Variants in RPE observed in about 807,000 individuals in gnomAD.
The protein encoded by RPE is ribulose-phosphate 3-epimerase.
In RPE, 16 loss-of-function variants were observed where a neutral mutation model predicts 24.6. That is an observed-to-expected ratio of 0.65 (90% confidence interval 0.44 to 0.99). RPE has a LOEUF of 0.99. Among genes scored for constraint, RPE ranks in the 50% least tolerant of loss-of-function variants. The pLI is 0.00. For synonymous variants in RPE, 93 were observed against 98.4 expected, an observed-to-expected ratio of 0.94 and a Z score of 0.33; for missense variants, 240 against 294.5, an observed-to-expected ratio of 0.81 and a Z score of 1.35.
At position 210,017,485 on chromosome 2, in the gene RPE, A is replaced by T; in HGVS notation, c.490A>T (p.Arg164Trp). 1 of 1,558,576 alleles carries T rather than the reference A, an allele frequency of 6.4e-7. No individual in the cohort carries two copies. The highest frequency in any genetic ancestry group is 8.6e-7 in the Non-Finnish European group (1 of 1,157,760). ...EDMMPKVHWL[R>W]TQFPSLDIEV... ...TGTATATATCTAGGTTCACTGGTTG[A>T]GGACCCAGTTCCCATCTTTGGATAT... The change falls in exon 5 of 6, where the codon AGG (arginine) becomes TGG (tryptophan). Residue 164 changes from arginine to tryptophan, a missense_variant. By Grantham distance (101) the Arg-to-Trp change is moderately radical. Coordinates refer to ENST00000359429, the MANE Select transcript of RPE (RefSeq NM_199229.3).
chr2:210,016,756 G>A, intron 4 of RPE, 115 bp downstream of exon 4: 1 of 1,377,058 alleles, frequency 7.3e-7, no homozygotes, highest in East Asian at 2.3e-5. Flanking sequence ...AGGAGATGGG[G>A]ATGCTTACAG....
intron 2 of RPE, among the ~76,000 whole-genome samples, chr2:210,012,819 A>G (rs1294662241): frequency 2.0e-5 from 3 of 152,234 alleles, no homozygotes; most frequent in African/African-American, 7.2e-5. Flanking sequence ...AACAGTTAAC[A>G]AGCTTTTCTG....
chr2:210,015,865 TG>T, intron 2 of RPE, 107 bp from the exon 3 acceptor site: 1 of 1,082,716 alleles, frequency 9.2e-7, no homozygotes, highest in Non-Finnish European at 1.3e-6. Context: ...ATTTGTGTGA[TG>T]GCCAAAGAGT....
At chr2:210,009,776 T>C in intron 2 of RPE, 40 bp downstream of exon 2, 2 of 1,613,140 alleles carry the variant, frequency 1.2e-6, no homozygotes, top group South Asian at 1.1e-5. Context: ...GATGTGTTGC[T>C]CAAGTAAAGG....
intron 1 of RPE, chr2:210,003,361 G>A: frequency 1.2e-6 from 1 of 813,112 alleles, no homozygotes; most frequent in South Asian, 1.4e-5. Context: ...TACAGTGCCT[G>A]GCGTATATTA....
chr2:210,012,215 A>G (rs1288171444), intron 2 of RPE, among the ~76,000 whole-genome samples: 2 of 152,218 alleles, frequency 1.3e-5, no homozygotes, highest in African/African-American at 4.8e-5. Context: ...AGTATGTTGT[A>G]TAAGGACCCA....
chr2:210,005,372 A>G (rs1378143522), intron 1 of RPE, among the ~76,000 whole-genome samples: 1 of 152,030 alleles, frequency 6.6e-6, no homozygotes. Context: ...GAATTTCTTC[A>G]TTTAGAAAGT....
intron 1 of RPE, among the ~76,000 whole-genome samples, chr2:210,005,071 T>G (rs1456588290): frequency 1.3e-5 from 2 of 151,910 alleles, no homozygotes; most frequent in Non-Finnish European, 2.9e-5. Context: ...GTAGGGAGAT[T>G]CAGCTTCTTC....
rs1240725701 is a variant in RPE, at chr2:210,007,458, A to C, written c.123-2199A>C. On this transcript the variant is annotated intron_variant, in intron 1 of 5. Transcript: ENST00000359429. Reference sequence around the variant, plus strand: ...CTTATTTATTAATATTTCTCACTTTAAGATCTTACTTCATATTTACAGCAG... The same window carrying C: ...CTTATTTATTAATATTTCTCACTTTCAGATCTTACTTCATATTTACAGCAG... 5.3e-5 allele frequency among the ~76,000 whole-genome samples: 8 copies of C among 152,240 alleles called. No individual in the cohort carries two copies. The East Asian group carries it at 1.4e-3, about 26-fold the overall frequency.
Position 210,017,458 on chromosome 2 carries a change from C to T in RPE, c.478-15C>T, listed in dbSNP as rs1480082621. The T allele has an allele frequency of 1.0e-6, 1 of 978,678 alleles. No homozygotes were observed. Among genetic ancestry groups the T allele is most frequent in the Non-Finnish European group, 1.5e-6 (1 of 674,448 alleles). 60.6% of individuals were successfully genotyped at this position (978,678 alleles called of 1,614,324 possible). A position where few individuals can be genotyped will look rare whatever the true frequency, so the allele number is the denominator to read the frequency against. ...CCACTTTAGGAGTTACTTATTTCCT[C>T]ATGTATATATCTAGGTTCACTGGTT... On this transcript the variant is annotated splice_polypyrimidine_tract_variant and intron_variant, in intron 4 of 5. Coordinates refer to ENST00000359429, the MANE Select transcript of RPE (RefSeq NM_199229.3).
At chr2:210,004,074 CCTAAA>C (rs2125048885) in intron 1 of RPE, among the ~76,000 whole-genome samples, 2 of 152,184 alleles carry the variant, frequency 1.3e-5, no homozygotes, top group African/African-American at 4.8e-5. Flanking sequence ...GCTTGAAAGC[CCTAAA>C]CTGTCACAGG....
At chr2:210,017,439 T>A (rs766288582) in intron 4 of RPE, 34 bp from the exon 5 acceptor site, 17 of 981,672 alleles carry the variant, frequency 1.7e-5, no homozygotes, top group Non-Finnish European at 2.1e-5. Flanking sequence ...ATACCCACTT[T>A]AGGAGTTACT....
rs57308247 is a variant in RPE, at chr2:210,013,281, C to T, written c.203-2692C>T. On this transcript the variant is annotated intron_variant, in intron 2 of 5. Coordinates refer to ENST00000359429, the MANE Select transcript of RPE (RefSeq NM_199229.3). ...TTGCAAAAATGTAAAACAAATAATA[C>T]CACTCTTAATTAATAGGTAATAGAG... Among the ~76,000 whole-genome samples, 9 of 151,802 alleles carry T rather than the reference C, an allele frequency of 5.9e-5. No homozygotes were observed. The East Asian group carries it at 1.7e-3, about 29-fold the overall frequency.
chr2:210,021,245 A>G lies in RPE; in HGVS notation c.*1454A>G, dbSNP rs939780754. Reference sequence around the variant, plus strand: ...TATCAATAGACTTCTTGAGGCTACTATAAGTTTTGAGAAATAAGGTTCAAA... The same window carrying G: ...TATCAATAGACTTCTTGAGGCTACTGTAAGTTTTGAGAAATAAGGTTCAAA... On this transcript the variant is annotated 3_prime_UTR_variant, in exon 6 of 6. Coordinates refer to ENST00000359429, the MANE Select transcript of RPE (RefSeq NM_199229.3). The G allele has an allele frequency of 3.9e-5, 6 of 152,154 alleles. No individual in the cohort carries two copies. Among genetic ancestry groups the G allele is most frequent in the South Asian group, 4.1e-4 (2 of 4,838 alleles). 9.4% of individuals were successfully genotyped at this position (152,154 alleles called of 1,614,324 possible).
chr2:210,005,097 G>C (rs1227954410), intron 1 of RPE, among the ~76,000 whole-genome samples: 1 of 151,994 alleles, frequency 6.6e-6, no homozygotes, highest in Non-Finnish European at 1.5e-5. Context: ...TGTCTCACCA[G>C]ATTCAGCAGA....
intron 1 of RPE, among the ~76,000 whole-genome samples, chr2:210,009,263 T>A (rs577992430): frequency 7.9e-5 from 12 of 152,300 alleles, no homozygotes; most frequent in African/African-American, 2.9e-4. Flanking sequence ...TAGAAGTGAT[T>A]AGAAGTAGCC....
chr2:210,018,987 GCAATGAATC>G (rs1425504442), intron 5 of RPE, among the ~76,000 whole-genome samples: 2 of 152,092 alleles, frequency 1.3e-5, no homozygotes, highest in Non-Finnish European at 2.9e-5. Context: ...CTTTGTTCTA[GCAATGAATC>G]ACAAAACAGA....
At chr2:210,018,028 A>C (rs1314766210) in intron 5 of RPE, 1 of 991,226 alleles carries the variant, frequency 1.0e-6, no homozygotes, top group Non-Finnish European at 1.4e-6. Context: ...TACAGATGTG[A>C]GCCATGGCGT....
Position 210,020,045 on chromosome 2 carries a change from A to G in RPE, c.*254A>G, listed in dbSNP as rs188446294. On this transcript the variant is annotated 3_prime_UTR_variant, in exon 6 of 6. Transcript: ENST00000359429. Reference sequence around the variant, plus strand: ...TTATTGAGAGATTTGATTTTTATAAAGTAAAAATACGGCTGCATTAGGGTT... The same window carrying G: ...TTATTGAGAGATTTGATTTTTATAAGGTAAAAATACGGCTGCATTAGGGTT... 233 of 300,914 alleles carry G rather than the reference A, an allele frequency of 7.7e-4. 2 individuals carry two copies. The East Asian group carries it at 0.015, about 19-fold the overall frequency. The allele number at this position is 300,914 out of a possible 1,614,324, so 18.6% of individuals were successfully genotyped here.
Sources: allele counts gnomAD v4.1 joint callset (sites outside exome capture counted in the v4.1 genomes callset), GRCh38; gene constraint gnomAD v4.1.1; transcripts MANE v1.5; gene names NCBI Gene and HGNC (gene_info 2026-07-23, HGNC 2026-07-21).